MYH9: variants seen among roughly 807,000 people sequenced by gnomAD.
MYH9 encodes myosin-9.
MYH9 carries 29 observed loss-of-function variants against 241.9 expected under a neutral mutation model. The ratio of observed to expected loss-of-function variants is 0.12; its 90% CI spans 0.09 to 0.16. MYH9 has a LOEUF of 0.16. Among genes scored for constraint, MYH9 ranks in the 10% least tolerant of loss-of-function variants. The probability of loss-of-function intolerance (pLI) is 1.00; values close to 1 mark genes in which losing one functional copy is unlikely to be tolerated. For missense variants in MYH9, 1,803 were observed against 2,595.5 expected, an observed-to-expected ratio of 0.69 and a Z score of 6.63; for synonymous variants, 1,047 against 1,062.6, an observed-to-expected ratio of 0.99 and a Z score of 0.29.
intron 1 of MYH9, among the ~76,000 whole-genome samples, chr22:36,372,151 C>T (rs2018099569): frequency 6.6e-6 from 1 of 152,078 alleles, no homozygotes; most frequent in South Asian, 2.1e-4. Context: ...CTTGTATCCA[C>T]CTCTCCTTCC....
chr22:36,384,611 AATATATATATATATATATATATAT>A lies in MYH9; in HGVS notation c.-20+3172_-20+3195del, dbSNP rs753952544. On this transcript the variant is annotated intron_variant, in intron 1 of 40. Transcript: ENST00000216181. ...AAAAAAAAAAAAAAAAAAAAAAAAA[AATATATATATATATATATATATAT>A]ATATATATATATATATACAGCCACT... Among the ~76,000 whole-genome samples the A allele has an allele frequency of 9.4e-4, 39 of 41,448 alleles. 1 individual carries two copies. The highest frequency in any genetic ancestry group is 2.1e-3 in the African/African-American group (19 of 9,114). 27.2% of individuals were successfully genotyped at this position (41,448 alleles called of 152,430 possible).
rs768932693 is a variant in MYH9 at position 36,300,269 on chromosome 22, C to T, written c.2839-5G>A. On this transcript the variant is annotated splice_polypyrimidine_tract_variant and splice_region_variant and intron_variant, in intron 22 of 40. Coordinates refer to ENST00000216181, the MANE Select transcript of MYH9 (RefSeq NM_002473.6). The surrounding 1 kb of genome is among the most constrained non-coding windows in gnomAD (Gnocchi z 5.0). ...CTCCAGCTGCTCCTCAAGCTCCTGC[C>T]GGGGGCCAGAGACACGGTAAGGACA... 5 of 1,612,580 alleles carry T rather than the reference C, an allele frequency of 3.1e-6. No homozygotes were observed. The highest frequency in any genetic ancestry group is 1.3e-5 in the African/African-American group (1 of 75,048).
chr22:36,303,714 G>A (rs940874339), intron 19 of MYH9, among the ~76,000 whole-genome samples: 1 of 151,578 alleles, frequency 6.6e-6, no homozygotes, highest in Non-Finnish European at 1.5e-5. Flanking sequence ...GAACGTGGGA[G>A]GTGGAGGTTG....
chr22:36,360,236 A>T (rs1315201814), intron 1 of MYH9, among the ~76,000 whole-genome samples: 4 of 151,932 alleles, frequency 2.6e-5, no homozygotes, highest in African/African-American at 9.7e-5. Flanking sequence ...GAGTCTAGTG[A>T]CTCTTTCTGC....
chr22:36,367,368 G>A (rs1304526618), intron 1 of MYH9, among the ~76,000 whole-genome samples: 3 of 152,140 alleles, frequency 2.0e-5, no homozygotes, highest in Non-Finnish European at 2.9e-5. Flanking sequence ...CTCTCCTCCC[G>A]ACATTTCCAT....
At chr22:36,303,545 G>A (rs1321965519) in intron 19 of MYH9, among the ~76,000 whole-genome samples, 1 of 151,908 alleles carries the variant, frequency 6.6e-6, no homozygotes, top group Admixed American at 6.6e-5. Context: ...CACTTTGGGA[G>A]GCTGAGGTGG....
At chr22:36,383,273 G>A (rs2018287123) in intron 1 of MYH9, among the ~76,000 whole-genome samples, 1 of 152,144 alleles carries the variant, frequency 6.6e-6, no homozygotes, top group African/African-American at 2.4e-5. Flanking sequence ...CCCAGAGCCA[G>A]AGTTGGAAGT....
chr22:36,336,689 G>A (rs577428668), intron 3 of MYH9, among the ~76,000 whole-genome samples: 31 of 152,336 alleles, frequency 2.0e-4, no homozygotes, highest in African/African-American at 7.5e-4. Context: ...GGGATGCCCT[G>A]TAACTACTTA....
In MYH9 at chr22:36,282,820, C is replaced by T. The variant is rs756563132; in HGVS notation, c.5766-35G>A. On this transcript the variant is annotated intron_variant, in intron 40 of 40. Transcript: ENST00000216181. ...GAGGTAGAAGCAGAGGGTCAGCGGGCCCGGCCAGGCCAGGGGCGGCCACAG... is the reference window on the plus strand; with the variant it reads ...GAGGTAGAAGCAGAGGGTCAGCGGGTCCGGCCAGGCCAGGGGCGGCCACAG... 31 of 1,572,092 alleles carry T rather than the reference C, an allele frequency of 2.0e-5. No individual in the cohort carries two copies. In the South Asian group the frequency reaches 3.3e-4, roughly 16 times the overall value.
At chr22:36,319,386 T>A (rs2017212327) in intron 10 of MYH9, among the ~76,000 whole-genome samples, 154 bp downstream of exon 10, 1 of 152,210 alleles carries the variant, frequency 6.6e-6, no homozygotes, top group South Asian at 2.1e-4. Context: ...AGCAGGGTCA[T>A]GTTTACGTGT....
Position 36,294,223 on chromosome 22 carries a change from G to A in MYH9, c.3706C>T (p.Leu1236=), listed in dbSNP as rs369204192. The A allele has an allele frequency of 3.1e-6, 5 of 1,614,004 alleles. No homozygotes were observed. Among genetic ancestry groups the A allele is most frequent in the Admixed American group, 1.7e-5 (1 of 60,012 alleles). The change falls in exon 28 of 41, where the codon CTG becomes TTG. Residue 1236 remains leucine (L), a synonymous_variant. Coordinates refer to ENST00000216181, the MANE Select transcript of MYH9 (RefSeq NM_002473.6). ...TCCGAGTCCCCTTTGCCCTGCAGCA[G>A]CACCTTCACCTCGTTGGCCAGCTCC... ...RGELANEVKV[L]LQGKGDSEHK...
chr22:36,320,348 T>C lies in MYH9; in HGVS notation c.884A>G (p.Glu295Gly). 1.2e-6 allele frequency: 2 copies of C among 1,613,848 alleles called. No homozygotes were observed. Among genetic ancestry groups the C allele is most frequent in the Non-Finnish European group, 1.7e-6 (2 of 1,180,016 alleles). ...GEHLKTDLLL[E>G]PYNKYRFLSN... ...CAGGAAGCGGTATTTGTTGTACGGC[T>C]CCAACAGGAGATCGGCTGTAAGGGG... The change falls in exon 9 of 41, where the codon GAG becomes GGG. Residue 295 changes from glutamate (E) to glycine (G), a missense_variant. Glu to Gly is a moderately conservative substitution (Grantham distance 98). Coordinates refer to ENST00000216181, the MANE Select transcript of MYH9 (RefSeq NM_002473.6). This position sits in a 1 kb window ranked among gnomAD's most constrained non-coding sequence, Gnocchi z 4.8.
In MYH9 at chr22:36,285,172, G is replaced by A; in HGVS notation, c.5432C>T (p.Ala1811Val). 3 of 1,614,124 alleles carry A rather than the reference G, an allele frequency of 1.9e-6. No homozygotes were observed. Among genetic ancestry groups the A allele is most frequent in the Non-Finnish European group, 2.5e-6 (3 of 1,180,008 alleles). Reference protein sequence around the residue: ...VKSKYKASITALEAKIAQLEE... With the variant: ...VKSKYKASITVLEAKIAQLEE... ...CAGCTGTGCAATCTTGGCCTCGAGG[G>A]CGGTGATGGAGGCCTTGTACTTGGA... The change falls in exon 38 of 41, where the codon GCC becomes GTC. Residue 1811 changes from alanine (A) to valine (V), a missense_variant. Physicochemically the swap from Ala to Val is moderately conservative, Grantham distance 64 (BLOSUM62 0). Transcript: ENST00000216181. The surrounding 1 kb of genome is among the most constrained non-coding windows in gnomAD (Gnocchi z 7.0).
intron 1 of MYH9, among the ~76,000 whole-genome samples, chr22:36,358,615 G>A (rs1474070838): frequency 6.6e-6 from 1 of 152,012 alleles, no homozygotes; most frequent in Non-Finnish European, 1.5e-5. Context: ...ATCTCTGGGA[G>A]ACACCATCCA....
Position 36,286,815 on chromosome 22 carries a change from T to A in MYH9, c.4964A>T (p.Asp1655Val), listed in dbSNP as rs1228426500. The A allele has an allele frequency of 6.2e-7, 1 of 1,610,818 alleles. No homozygotes were observed. The highest frequency in any genetic ancestry group is 8.5e-7 in the Non-Finnish European group (1 of 1,180,002). Residue 1655 changes from aspartate to valine, a missense_variant, in exon 35 of 41, where the codon GAT (aspartate) becomes GTT (valine). By Grantham distance (152) the Asp-to-Val change is radical (BLOSUM62 -3). This residue lies in a region of MYH9 where 876 missense variants were observed against 1,077.8 expected (regional missense o/e 0.81). Coordinates refer to ENST00000216181, the MANE Select transcript of MYH9 (RefSeq NM_002473.6). Reference protein sequence around the residue: ...AQMKDCMRELDDTRASREEIL... With the variant: ...AQMKDCMRELVDTRASREEIL... ...CTCCTCACGAGAGGCGCGGGTGTCATCCAGCTCGCGCATGCAGTCCTTCAT... is the reference window on the plus strand; with the variant it reads ...CTCCTCACGAGAGGCGCGGGTGTCAACCAGCTCGCGCATGCAGTCCTTCAT...
intron 3 of MYH9, among the ~76,000 whole-genome samples, chr22:36,333,499 CTGTT>C (rs2017454081): frequency 6.6e-6 from 1 of 152,172 alleles, no homozygotes; most frequent in Non-Finnish European, 1.5e-5. Context: ...TCAGTACTGT[CTGTT>C]TGCCAAAAGA....
chr22:36,345,079 G>A (rs1264364848), intron 2 of MYH9, among the ~76,000 whole-genome samples: 1 of 152,176 alleles, frequency 6.6e-6, no homozygotes, highest in Non-Finnish European at 1.5e-5. Flanking sequence ...TTGGGAGGCC[G>A]AGGCGGGAGG....
At chr22:36,309,890 G>A (rs887048247) in intron 14 of MYH9, among the ~76,000 whole-genome samples, 7 of 151,496 alleles carry the variant, frequency 4.6e-5, no homozygotes, top group South Asian at 2.1e-4. Flanking sequence ...TTTTTTAATT[G>A]GGCAGCCTCC....
In MYH9 at chr22:36,300,443, A is replaced by T. The variant is rs771191715; in HGVS notation, c.2839-179T>A. Reference sequence around the variant, plus strand: ...GCCAGCCCAGGGCCACAGCCGAGGCAGGGCCCAAGCCCCATTTGTAGGATT... The same window carrying T: ...GCCAGCCCAGGGCCACAGCCGAGGCTGGGCCCAAGCCCCATTTGTAGGATT... On this transcript the variant is annotated intron_variant, in intron 22 of 40. Coordinates refer to ENST00000216181, the MANE Select transcript of MYH9 (RefSeq NM_002473.6). The surrounding 1 kb of genome is among the most constrained non-coding windows in gnomAD (Gnocchi z 5.0). Among the ~76,000 whole-genome samples, 5 of 152,250 alleles carry T rather than the reference A, an allele frequency of 3.3e-5. No homozygotes were observed. The highest frequency in any genetic ancestry group is 7.3e-5 in the Non-Finnish European group (5 of 68,034).
Sources: allele counts gnomAD v4.1 joint callset (sites outside exome capture counted in the v4.1 genomes callset), GRCh38; gene constraint gnomAD v4.1.1; regional missense constraint gnomAD v4.1.1; non-coding constraint Gnocchi (gnomAD v3.1); transcripts MANE v1.5; gene names NCBI Gene and HGNC (gene_info 2026-07-23, HGNC 2026-07-21).